Variants in GALNT11 observed in about 807,000 individuals in gnomAD.
GALNT11 encodes the protein polypeptide N-acetylgalactosaminyltransferase 11.
A neutral mutation model predicts 72.7 loss-of-function variants in GALNT11; 47 were observed. The observed-to-expected ratio is 0.65, with a 90% CI of 0.51 to 0.82. The LOEUF (loss-of-function observed/expected upper bound fraction) is 0.82, where lower values mean the gene tolerates loss of function less well. Among genes scored for constraint, GALNT11 ranks in the 40% least tolerant of loss-of-function variants. The probability of loss-of-function intolerance (pLI) is 0.00; values close to 1 mark genes in which losing one functional copy is unlikely to be tolerated. For missense variants in GALNT11, 677 were observed against 778.4 expected, an observed-to-expected ratio of 0.87 and a Z score of 1.55; for synonymous variants, 270 against 286.6, an observed-to-expected ratio of 0.94 and a Z score of 0.58.
At chr7:152,041,863 G>A (rs543815858) in intron 1 of GALNT11, among the ~76,000 whole-genome samples, 25 of 152,230 alleles carry the variant, frequency 1.6e-4, no homozygotes, top group Non-Finnish European at 1.8e-4. Context: ...CACAATGGTA[G>A]TGTCATTTAC....
chr7:152,074,458 T>G (rs2084833807), intron 1 of GALNT11: 1 of 152,250 alleles, frequency 6.6e-6, no homozygotes. Context: ...TATTGTGGAT[T>G]GATTTCTGGG....
At position 152,094,077 on chromosome 7, in the gene GALNT11, G is replaced by A. The variant is rs549575061; in HGVS notation, c.-38-113G>A. 43 of 832,958 alleles carry A rather than the reference G, an allele frequency of 5.2e-5. No individual in the cohort carries two copies. The highest frequency in any genetic ancestry group is 1.8e-4 in the Admixed American group (7 of 38,700). The allele number at this position is 832,958 out of a possible 1,614,324, so 51.6% of individuals were successfully genotyped here. A position where few individuals can be genotyped will look rare whatever the true frequency, so the allele number is the denominator to read the frequency against. ...TACATCTTCTTGTATTTGAATATCC[G>A]TTAACTGTACGCATAGTGGTCCTAC... On this transcript the variant is annotated intron_variant, in intron 1 of 11. Transcript: ENST00000430044. The surrounding 1 kb of genome is among the most constrained non-coding windows in gnomAD (Gnocchi z 4.3).
At chr7:152,116,011 G>A (rs563797471) in intron 8 of GALNT11, among the ~76,000 whole-genome samples, 17 of 152,222 alleles carry the variant, frequency 1.1e-4, no homozygotes, top group Admixed American at 7.8e-4. Flanking sequence ...TGCCGAGATC[G>A]TGCCATTGTA....
intron 4 of GALNT11, 97 bp downstream of exon 4, chr7:152,103,375 G>GATCCCCACCTACCACGTACT: frequency 7.8e-7 from 1 of 1,279,504 alleles, no homozygotes; most frequent in Non-Finnish European, 1.1e-6. Context: ...TACGTGGTAG[G>GATCCCCACCTACCACGTACT]TGGGGATCCT....
intron 1 of GALNT11, among the ~76,000 whole-genome samples, chr7:152,052,316 T>C (rs1380228171): frequency 6.6e-6 from 1 of 152,160 alleles, no homozygotes; most frequent in Non-Finnish European, 1.5e-5. Flanking sequence ...TGTGAACATG[T>C]GTTCACAGGT....
At chr7:152,084,717 T>G (rs2085535659) in intron 1 of GALNT11, among the ~76,000 whole-genome samples, 1 of 152,178 alleles carries the variant, frequency 6.6e-6, no homozygotes, top group African/African-American at 2.4e-5. Flanking sequence ...TCCTTTAACC[T>G]CTTCTGGAAC....
chr7:152,077,432 A>G (rs1250071896), intron 1 of GALNT11, among the ~76,000 whole-genome samples: 2 of 152,156 alleles, frequency 1.3e-5, no homozygotes, highest in Non-Finnish European at 2.9e-5. Flanking sequence ...ACAGGAGGAC[A>G]GAAACAAAAA....
In GALNT11 at chr7:152,113,712, C is replaced by CTTTTTTTTTTT. The variant is rs6150397; in HGVS notation, c.1233+346_1233+356dup. Among the ~76,000 whole-genome samples the CTTTTTTTTTTT allele has an allele frequency of 7.1e-4, 69 of 96,998 alleles. 6 individuals are homozygous for CTTTTTTTTTTT. Among genetic ancestry groups the CTTTTTTTTTTT allele is most frequent in the Middle Eastern group, 6.0e-3 (1 of 166 alleles). 63.6% of individuals were successfully genotyped at this position (96,998 alleles called of 152,430 possible). On this transcript the variant is annotated intron_variant, in intron 8 of 11. Transcript: ENST00000430044. ...TGTGACGCCTGCAAAAGTTGGCTTT[C>CTTTTTTTTTTT]TTTTTTTTTTTTTTTTTTTTTTTTT...
At chr7:152,109,100 C>G (rs2087898341) in intron 6 of GALNT11, among the ~76,000 whole-genome samples, 1 of 152,232 alleles carries the variant, frequency 6.6e-6, no homozygotes. Flanking sequence ...TTCACACAGG[C>G]TTGCCCAAGT....
intron 1 of GALNT11, among the ~76,000 whole-genome samples, chr7:152,064,053 G>T (rs563895864): frequency 6.6e-6 from 1 of 152,326 alleles, no homozygotes; most frequent in African/African-American, 2.4e-5. Flanking sequence ...AATGTTGACA[G>T]TGGGGTGTTA....
At chr7:152,110,384 CT>C in intron 6 of GALNT11, 143 bp from the exon 7 acceptor site, 2 of 702,124 alleles carry the variant, frequency 2.8e-6, no homozygotes, top group Non-Finnish European at 5.0e-6. Context: ...CTGGCTCATT[CT>C]CTGATACTGG....
At chr7:152,041,802 A>T (rs1418653425) in intron 1 of GALNT11, among the ~76,000 whole-genome samples, 2 of 152,206 alleles carry the variant, frequency 1.3e-5, no homozygotes, top group African/African-American at 2.4e-5. Flanking sequence ...GTAATTTTTG[A>T]AAGTCATTTA....
In GALNT11 at chr7:152,108,104, C is replaced by T. The variant is rs1481982554; in HGVS notation, c.779C>T (p.Ala260Val). ...GTGATGTGGCTGCAGCCCTTGCTGG[C>T]CGCCATCCGTGAGGACCGGCACACC... ...VNVMWLQPLL[A>V]AIREDRHTVV... is the part of the protein sequence containing the mutation. Residue 260 changes from alanine to valine, a missense_variant, in exon 6 of 12, where the codon GCC (alanine) becomes GTC (valine). Physicochemically the swap from Ala to Val is moderately conservative, Grantham distance 64. Transcript: ENST00000430044. The T allele has an allele frequency of 1.9e-6, 3 of 1,613,930 alleles. No individual in the cohort carries two copies. Among genetic ancestry groups the T allele is most frequent in the Non-Finnish European group, 2.5e-6 (3 of 1,179,964 alleles).
chr7:152,065,385 A>C (rs987076953), intron 1 of GALNT11, among the ~76,000 whole-genome samples: 5 of 152,192 alleles, frequency 3.3e-5, no homozygotes, highest in Non-Finnish European at 5.9e-5. Context: ...TTTGCGATGC[A>C]TTCGAACTTC....
chr7:152,064,517 G>A (rs1164904809), intron 1 of GALNT11, among the ~76,000 whole-genome samples: 2 of 152,132 alleles, frequency 1.3e-5, no homozygotes, highest in Non-Finnish European at 2.9e-5. Context: ...TGGTTATTTT[G>A]CTTGTTTGTT....
At chr7:152,076,501 G>A (rs2084989481) in intron 1 of GALNT11, among the ~76,000 whole-genome samples, 3 of 152,222 alleles carry the variant, frequency 2.0e-5, no homozygotes, top group Admixed American at 2.0e-4. Flanking sequence ...ATTGTGCTGA[G>A]GAATTCTAGA....
chr7:152,060,299 T>C (rs535052378), intron 1 of GALNT11, among the ~76,000 whole-genome samples: 80 of 152,316 alleles, frequency 5.3e-4, no homozygotes, highest in African/African-American at 1.6e-3. Flanking sequence ...TTTCTCCATA[T>C]CCGCATTGAT....
chr7:152,049,636 C>T (rs898443146), intron 1 of GALNT11, among the ~76,000 whole-genome samples: 2 of 152,128 alleles, frequency 1.3e-5, no homozygotes, highest in Non-Finnish European at 2.9e-5. Context: ...TGGCTACTGC[C>T]TATATTTGCT....
chr7:152,094,421 G>A lies in GALNT11; in HGVS notation c.194G>A (p.Arg65Gln). ...CCCCGTTTCACTCGAGGCCCAAGTC[G>A]AGTGCTCGAGCCACAGTTCAAAGCA... The part of the protein sequence containing the change: ...FYPRFTRGPS[R>Q]VLEPQFKANK... The change falls in exon 2 of 12, where the codon CGA (arginine) becomes CAA (glutamine). Residue 65 changes from arginine to glutamine, a missense_variant. Physicochemically the swap from Arg to Gln is conservative, Grantham distance 43. Coordinates refer to ENST00000430044, the MANE Select transcript of GALNT11 (RefSeq NM_022087.4). This position sits in a 1 kb window ranked among gnomAD's most constrained non-coding sequence, Gnocchi z 4.3. 5.0e-6 allele frequency: 8 copies of A among 1,614,106 alleles called. No individual in the cohort carries two copies. The highest frequency in any genetic ancestry group is 1.1e-5 in the South Asian group (1 of 91,074).
Sources: gnomAD v4.1 joint callset for allele counts (sites outside exome capture counted in the v4.1 genomes callset) on GRCh38, gnomAD v4.1.1 for gene constraint, Gnocchi (gnomAD v3.1) non-coding constraint, MANE v1.5 for transcripts, NCBI Gene and HGNC (gene_info 2026-07-23, HGNC 2026-07-21) for gene names.